Variants in DNMT1 observed in about 807,000 individuals in gnomAD.
The protein encoded by DNMT1 is DNA methyltransferase 1.
In DNMT1, 24 loss-of-function variants were observed where a neutral mutation model predicts 205.3. The ratio of observed to expected loss-of-function variants is 0.12; its 90% CI spans 0.08 to 0.16. The LOEUF is 0.16. Ranked by LOEUF, DNMT1 falls within the 10% of genes least tolerant of loss-of-function variation. The probability of loss-of-function intolerance (pLI) is 1.00; values close to 1 mark genes in which losing one functional copy is unlikely to be tolerated. For missense variants in DNMT1, 1,293 were observed against 2,177.7 expected (o/e 0.59, Z 8.09); for synonymous variants, 817 against 839.8 (o/e 0.97, Z 0.47).
intron 11 of DNMT1, 137 bp downstream of exon 11, chr19:10,166,461 C>T: frequency 1.9e-6 from 2 of 1,040,772 alleles, no homozygotes; most frequent in South Asian, 2.7e-5. Flanking sequence ...GTGACCTTCC[C>T]AGAGTCTGGA....
Position 10,146,887 on chromosome 19 carries a change from G to T in DNMT1, c.2721-363C>A, listed in dbSNP as rs116892102. On this transcript the variant is annotated intron_variant, in intron 27 of 40. Coordinates refer to ENST00000359526, the MANE Select transcript of DNMT1 (RefSeq NM_001130823.3). The surrounding 1 kb of genome is among the most constrained non-coding windows in gnomAD (Gnocchi z 4.4). ...GACTCCTACTGTTCTCTCCATAAAG[G>T]CTCAACAGGTATTTGAGGAAATTCA... 4.6e-5 allele frequency among the ~76,000 whole-genome samples: 7 copies of T among 152,174 alleles called. No homozygotes were observed. The highest frequency in any genetic ancestry group is 2.4e-5 in the African/African-American group (1 of 41,430).
intron 29 of DNMT1, 123 bp from the exon 30 acceptor site, chr19:10,142,343 C>T (rs933882216): frequency 4.4e-6 from 6 of 1,376,128 alleles, no homozygotes; most frequent in African/African-American, 2.9e-5. Context: ...GTTCGAGAAC[C>T]GCAGGGTAAA....
intron 11 of DNMT1, among the ~76,000 whole-genome samples, chr19:10,164,112 T>C (rs1007400641): frequency 4.6e-5 from 7 of 152,062 alleles, no homozygotes; most frequent in African/African-American, 7.2e-5. Flanking sequence ...AGTGGTTTAA[T>C]ACAAAAAGCA....
chr19:10,179,406 G>C (rs1392975515), intron 5 of DNMT1, among the ~76,000 whole-genome samples: 1 of 151,566 alleles, frequency 6.6e-6, no homozygotes, highest in Non-Finnish European at 1.5e-5. Context: ...CAAATTTTTT[G>C]TATTTTCAGT....
intron 11 of DNMT1, 81 bp downstream of exon 11, chr19:10,166,517 G>T: frequency 6.4e-7 from 1 of 1,555,934 alleles, no homozygotes; most frequent in Non-Finnish European, 8.8e-7. Context: ...TGAACCCAGA[G>T]CCCCACCCTG....
At chr19:10,172,683 C>T (rs1237723499) in intron 9 of DNMT1, among the ~76,000 whole-genome samples, 2 of 151,814 alleles carry the variant, frequency 1.3e-5, no homozygotes, top group Non-Finnish European at 2.9e-5. Flanking sequence ...AGTATGGCGG[C>T]GGGCGCCTGT....
rs2038294687 is a variant in DNMT1, at chr19:10,149,713, G to C, written c.2382-56C>G. On this transcript the variant is annotated intron_variant, in intron 25 of 40. Coordinates refer to ENST00000359526, the MANE Select transcript of DNMT1 (RefSeq NM_001130823.3). ...GTTCTGACTTGGCCAGCAGATATGT[G>C]ACCAAGTCTATGCAGGAGCACTCGT... The C allele has an allele frequency of 1.9e-6, 3 of 1,611,696 alleles. No individual in the cohort carries two copies. The South Asian group carries it at 3.3e-5, about 18-fold the overall frequency.
At chr19:10,177,406 A>G (rs1310219668) in intron 5 of DNMT1, 39 bp from the exon 6 acceptor site, 2 of 1,584,132 alleles carry the variant, frequency 1.3e-6, no homozygotes, top group Non-Finnish European at 1.7e-6. Flanking sequence ...GAAAAAAAAA[A>G]GCCACTATCA....
rs746509757 is a variant in DNMT1, at chr19:10,173,081, G to T, written c.768+9C>A. 13 of 1,613,996 alleles carry T rather than the reference G, an allele frequency of 8.1e-6. No homozygotes were observed. The Admixed American group carries it at 2.2e-4, about 27-fold the overall frequency. On this transcript the variant is annotated intron_variant, in intron 9 of 40. Coordinates refer to ENST00000359526, the MANE Select transcript of DNMT1 (RefSeq NM_001130823.3). ...AGAATTAACAAACTTAGAGGTGATA[G>T]AGCTTTACTTTTTCATCTCTTTCTT...
chr19:10,146,740 G>GC lies in DNMT1; in HGVS notation c.2721-217dup, dbSNP rs1432716148. ...AGAGAGAACATAGCAAGAAAATCAGGCAACTTTTGAGTCATTGAGACAAAA... is the reference window on the plus strand; with the variant it reads ...AGAGAGAACATAGCAAGAAAATCAGGCCAACTTTTGAGTCATTGAGACAAAA... On this transcript the variant is annotated intron_variant, in intron 27 of 40. Transcript: ENST00000359526. The surrounding 1 kb of genome is among the most constrained non-coding windows in gnomAD (Gnocchi z 4.4). Among the ~76,000 whole-genome samples the GC allele has an allele frequency of 3.9e-5, 6 of 152,100 alleles. No individual in the cohort carries two copies. Among genetic ancestry groups the GC allele is most frequent in the Non-Finnish European group, 8.8e-5 (6 of 68,014 alleles).
intron 8 of DNMT1, among the ~76,000 whole-genome samples, 183 bp downstream of exon 8, chr19:10,173,688 C>T (rs1309064489): frequency 1.3e-5 from 2 of 151,912 alleles, no homozygotes; most frequent in Non-Finnish European, 2.9e-5. Context: ...GACGGGGTTT[C>T]GCCATGTTGG....
chr19:10,146,494 C>T lies in DNMT1; in HGVS notation c.2751G>A (p.Glu917=). 2 of 1,614,126 alleles carry T rather than the reference C, an allele frequency of 1.2e-6. No homozygotes were observed. Among genetic ancestry groups the T allele is most frequent in the Non-Finnish European group, 1.7e-6 (2 of 1,180,026 alleles). ...KFCVSCARLA[E]MRQKEIPRVL... is the part of the protein sequence containing the mutation. ...CCCTGGGGATTTCTTTTTGCCTCAT[C>T]TCAGCCAGACGGGCACAGCTCACAC... Residue 917 remains glutamate, a synonymous_variant, in exon 28 of 41, where the codon GAG becomes GAA. Coordinates refer to ENST00000359526, the MANE Select transcript of DNMT1 (RefSeq NM_001130823.3). The surrounding 1 kb of genome is among the most constrained non-coding windows in gnomAD (Gnocchi z 4.4).
At position 10,133,541 on chromosome 19, in the gene DNMT1, T is replaced by C. The variant is rs886054126; in HGVS notation, c.*126A>G. 62 of 1,103,974 alleles carry C rather than the reference T, an allele frequency of 5.6e-5. No homozygotes were observed. Among genetic ancestry groups the C allele is most frequent in the East Asian group, 1.3e-4 (5 of 38,584 alleles). The allele number at this position is 1,103,974 out of a possible 1,614,324, so 68.4% of individuals were successfully genotyped here. A position where few individuals can be genotyped will look rare whatever the true frequency, so the allele number is the denominator to read the frequency against. On this transcript the variant is annotated 3_prime_UTR_variant, in exon 41 of 41. Coordinates refer to ENST00000359526, the MANE Select transcript of DNMT1 (RefSeq NM_001130823.3). The surrounding 1 kb of genome is among the most constrained non-coding windows in gnomAD (Gnocchi z 4.1). ...AAGCGAACCTCACACAACAGCTTCA[T>C]GTCAGCCAAGGCCACAAACACCATG...
At chr19:10,144,103 G>C in intron 28 of DNMT1, 116 bp from the exon 29 acceptor site, 1 of 1,049,124 alleles carries the variant, frequency 9.5e-7, no homozygotes, top group East Asian at 2.4e-5. Context: ...AATTAAGGTA[G>C]GTGTGTACCC....
At chr19:10,166,733 C>G (rs752822853) in intron 10 of DNMT1, 48 bp from the exon 11 acceptor site, 11 of 1,604,220 alleles carry the variant, frequency 6.9e-6, no homozygotes, top group African/African-American at 5.4e-5. Context: ...TCGGGGGGGG[C>G]CCTGCACCGG....
Position 10,159,987 on chromosome 19 carries a change from G to A in DNMT1, c.1089+31C>T, listed in dbSNP as rs372631888. On this transcript the variant is annotated intron_variant, in intron 15 of 40. Coordinates refer to ENST00000359526, the MANE Select transcript of DNMT1 (RefSeq NM_001130823.3). This position sits in a 1 kb window ranked among gnomAD's most constrained non-coding sequence, Gnocchi z 5.0. ...AGCTCCCAGCCGCCTCGTGAGCGCC[G>A]CCACCGGCTTTATTCCCGGCAGATG... The A allele has an allele frequency of 4.5e-5, 72 of 1,614,036 alleles. No homozygotes were observed. The African/African-American group carries it at 7.9e-4, about 18-fold the overall frequency.
chr19:10,136,313 T>C, intron 37 of DNMT1, 26 bp from the exon 38 acceptor site: 1 of 1,612,870 alleles, frequency 6.2e-7, no homozygotes, highest in Non-Finnish European at 8.5e-7. Context: ...GTGATGAGGC[T>C]GCAGTTGTGG....
chr19:10,152,079 G>A lies in DNMT1; in HGVS notation c.2020-232C>T, dbSNP rs140942872. 3.1e-4 allele frequency among the ~76,000 whole-genome samples: 41 copies of A among 132,342 alleles called. No homozygotes were observed. The East Asian group carries it at 0.01, about 33-fold the overall frequency. 86.8% of individuals were successfully genotyped at this position (132,342 alleles called of 152,430 possible). On this transcript the variant is annotated intron_variant, in intron 22 of 40. Coordinates refer to ENST00000359526, the MANE Select transcript of DNMT1 (RefSeq NM_001130823.3). ...GGAGGCTGAGGCAGGAGAATTGCCT[G>A]AACCTGGGAGGTGGAGATTACAGTT...
rs745946775 is a variant in DNMT1 at position 10,138,082 on chromosome 19, CCT to C, written c.4116-75_4116-74del. ...TGTCCCCTCATCACAGGTGCCACCCCCTGCCTGCTCAGATGGCCTTCTCCCGA... is the reference window on the plus strand; with the variant it reads ...TGTCCCCTCATCACAGGTGCCACCCCGCCTGCTCAGATGGCCTTCTCCCGA... On this transcript the variant is annotated intron_variant, in intron 35 of 40. Transcript: ENST00000359526. This position sits in a 1 kb window ranked among gnomAD's most constrained non-coding sequence, Gnocchi z 4.1. The C allele has an allele frequency of 2.8e-5, 43 of 1,522,852 alleles. No homozygotes were observed. Among genetic ancestry groups the C allele is most frequent in the Non-Finnish European group, 3.5e-5 (39 of 1,123,300 alleles). The allele number at this position is 1,522,852 out of a possible 1,614,324, so 94.3% of individuals were successfully genotyped here.
Sources: allele counts gnomAD v4.1 joint callset (sites outside exome capture counted in the v4.1 genomes callset), GRCh38; gene constraint gnomAD v4.1.1; non-coding constraint Gnocchi (gnomAD v3.1); transcripts MANE v1.5; gene names NCBI Gene and HGNC (gene_info 2026-07-23, HGNC 2026-07-21).